C5orf24: variants seen among roughly 807,000 people sequenced by gnomAD.
The protein encoded by C5orf24 is chromosome 5 open reading frame 24.
C5orf24 carries 4 observed loss-of-function variants against 9.8 expected under a neutral mutation model. That is an observed-to-expected ratio of 0.41 (90% CI 0.20 to 0.93). The LOEUF is 0.93. Ranked by LOEUF, C5orf24 falls within the 40% of genes least tolerant of loss-of-function variation. The pLI, the probability that C5orf24 is intolerant of heterozygous loss-of-function variation, is 0.33. For missense variants in C5orf24, 170 were observed against 236.9 expected (o/e 0.72, Z 1.85); for synonymous variants, 73 against 81.3 (o/e 0.90, Z 0.55).
intron 1 of C5orf24, among the ~76,000 whole-genome samples, chr5:134,848,975 AGGCT>A (rs993062123): frequency 7.8e-5 from 11 of 141,762 alleles, no homozygotes; most frequent in African/African-American, 2.6e-4. Context: ...AAAAAAAAAG[AGGCT>A]GGGCGCGGTG....
chr5:134,856,716 C>A lies in C5orf24; in HGVS notation c.*1249C>A. On this transcript the variant is annotated 3_prime_UTR_variant, in exon 2 of 2. Coordinates refer to ENST00000394976, the MANE Select transcript of C5orf24 (RefSeq NM_001135586.1). ...ATTGATGTTGCTCATTTATTTGGAA[C>A]GTTTTTAGTTTTTCTCAGAAATTGT... 6 of 993,996 alleles carry A rather than the reference C, an allele frequency of 6.0e-6. No homozygotes were observed. The highest frequency in any genetic ancestry group is 7.3e-6 in the Non-Finnish European group (6 of 824,622). 61.6% of individuals were successfully genotyped at this position (993,996 alleles called of 1,614,324 possible). A position where few individuals can be genotyped will look rare whatever the true frequency, so the allele number is the denominator to read the frequency against.
upstream of C5orf24, among the ~76,000 whole-genome samples, chr5:134,840,844 C>T (rs565239664): frequency 6.6e-6 from 1 of 152,268 alleles, no homozygotes; most frequent in East Asian, 1.9e-4. Flanking sequence ...CTGGGAGGCT[C>T]ATCTGAGCCT....
At chr5:134,852,417 G>T (rs756261294) in intron 1 of C5orf24, among the ~76,000 whole-genome samples, 1 of 152,286 alleles carries the variant, frequency 6.6e-6, no homozygotes, top group East Asian at 1.9e-4. Flanking sequence ...CTTGCCAATT[G>T]CTCTGTTGAT....
chr5:134,835,880 G>A, the C5orf24 span, among the ~76,000 whole-genome samples: 1 of 151,308 alleles, frequency 6.6e-6, no homozygotes, highest in Non-Finnish European at 1.5e-5. Flanking sequence ...TTTATTTTTT[G>A]TAGCAGTGGG....
chr5:134,844,377 TG>T (rs1241774645), upstream of C5orf24, among the ~76,000 whole-genome samples: 2 of 152,084 alleles, frequency 1.3e-5, no homozygotes, highest in African/African-American at 4.8e-5. Context: ...CTCACTCTGT[TG>T]CCCAGGCTGG....
chr5:134,837,818 A>G, the C5orf24 span, among the ~76,000 whole-genome samples: 1 of 152,242 alleles, frequency 6.6e-6, no homozygotes, highest in Non-Finnish European at 1.5e-5. Flanking sequence ...TATAGCAGCC[A>G]AAACAGACCA....
chr5:134,854,236 G>A (rs191916029), intron 1 of C5orf24, among the ~76,000 whole-genome samples: 9 of 152,322 alleles, frequency 5.9e-5, no homozygotes, highest in Admixed American at 5.9e-4. Flanking sequence ...AATGGAGGAT[G>A]TTTGAAGGGA....
In C5orf24 at chr5:134,856,148, T is replaced by C; in HGVS notation, c.*681T>C. The C allele has an allele frequency of 1.0e-6, 1 of 998,628 alleles. No individual in the cohort carries two copies. The highest frequency in any genetic ancestry group is 1.7e-5 in the African/African-American group (1 of 57,310). 61.9% of individuals were successfully genotyped at this position (998,628 alleles called of 1,614,324 possible). ...TGTATTTTTTAATTGCCTAAGAGCA[T>C]ATATACCAAACACTACAAACAATTC... On this transcript the variant is annotated 3_prime_UTR_variant, in exon 2 of 2. Transcript: ENST00000394976.
chr5:134,837,997 A>G, the C5orf24 span, among the ~76,000 whole-genome samples: 1 of 152,192 alleles, frequency 6.6e-6, no homozygotes, highest in African/African-American at 2.4e-5. Context: ...CTGTAATCCT[A>G]GCACTTTGCG....
rs1325023387 is a variant in C5orf24, at chr5:134,859,416, T to C, written c.*3949T>C. The C allele has an allele frequency of 6.0e-6, 1 of 167,052 alleles. No homozygotes were observed. The highest frequency in any genetic ancestry group is 1.9e-4 in the East Asian group (1 of 5,210). The allele number at this position is 167,052 out of a possible 1,614,324, so 10.3% of individuals were successfully genotyped here. On this transcript the variant is annotated 3_prime_UTR_variant, in exon 2 of 2. Coordinates refer to ENST00000394976, the MANE Select transcript of C5orf24 (RefSeq NM_001135586.1). ...AATCTGTGCTCTCACATGTAATGTA[T>C]TTAATTTTTGGAAAATTTAATGCTA...
chr5:134,841,625 CAT>C (rs1335080209), upstream of C5orf24, among the ~76,000 whole-genome samples: 3 of 152,144 alleles, frequency 2.0e-5, no homozygotes, highest in Admixed American at 6.5e-5. Flanking sequence ...AAATTATCCT[CAT>C]GTGTTGTAAG....
At chr5:134,846,893 G>A (rs1412897776) in intron 1 of C5orf24, 1 of 152,150 alleles carries the variant, frequency 6.6e-6, no homozygotes, top group East Asian at 1.9e-4. Flanking sequence ...TTAGAATTAT[G>A]AAACGTATAT....
At chr5:134,843,019 C>T (rs1164908776), upstream of C5orf24, among the ~76,000 whole-genome samples, 1 of 151,748 alleles carries the variant, frequency 6.6e-6, no homozygotes, top group Non-Finnish European at 1.5e-5. Context: ...TCACTGTTGC[C>T]CAGACTGGAG....
rs898432462 is a variant in C5orf24, at chr5:134,856,733, A to G, written c.*1266A>G. The G allele has an allele frequency of 2.5e-5, 25 of 999,508 alleles. No homozygotes were observed. The highest frequency in any genetic ancestry group is 3.0e-5 in the Non-Finnish European group (25 of 829,442). The allele number at this position is 999,508 out of a possible 1,614,324, so 61.9% of individuals were successfully genotyped here. A position where few individuals can be genotyped will look rare whatever the true frequency, so the allele number is the denominator to read the frequency against. On this transcript the variant is annotated 3_prime_UTR_variant, in exon 2 of 2. Coordinates refer to ENST00000394976, the MANE Select transcript of C5orf24 (RefSeq NM_001135586.1). The stretch of plus-strand genomic sequence containing the variant: ...ATTTGGAACGTTTTTAGTTTTTCTC[A>G]GAAATTGTCCCATTGCATTAGCACT...
chr5:134,854,431 T>C (rs958910017), intron 1 of C5orf24, among the ~76,000 whole-genome samples: 4 of 152,246 alleles, frequency 2.6e-5, no homozygotes, highest in African/African-American at 9.6e-5. Context: ...TGGAAACTGT[T>C]GTCAGGCCAG....
upstream of C5orf24, among the ~76,000 whole-genome samples, chr5:134,843,417 A>T (rs1009400791): frequency 1.3e-5 from 2 of 152,204 alleles, no homozygotes; most frequent in Admixed American, 1.3e-4. Context: ...ACATCTAAGT[A>T]GTGGTGAATA....
chr5:134,854,908 A>G lies in C5orf24; in HGVS notation c.8A>G (p.His3Arg), dbSNP rs182827108. MM[H>R]PVASSNPAFC... ...TTTTATTTTTGGTAGAAAATGATGC[A>G]TCCTGTTGCCAGCAGTAATCCAGCT... The change falls in exon 2 of 2, where the codon CAT becomes CGT. Residue 3 changes from histidine (H) to arginine (R), a missense_variant. This residue lies in a region of C5orf24 where 93 missense variants were observed against 104.5 expected (regional missense o/e 0.89). Transcript: ENST00000394976. 6.2e-7 allele frequency: 1 copy of G among 1,614,064 alleles called. No individual in the cohort carries two copies. Among genetic ancestry groups the G allele is most frequent in the African/African-American group, 1.3e-5 (1 of 75,046 alleles).
upstream of C5orf24, among the ~76,000 whole-genome samples, chr5:134,842,908 A>C (rs1755920638): frequency 1.3e-5 from 2 of 152,140 alleles, no homozygotes; most frequent in African/African-American, 4.8e-5. Context: ...TTTCAAATCC[A>C]AACTCGAAAC....
chr5:134,854,782 A>G, intron 1 of C5orf24, 116 bp from the exon 2 acceptor site: 1 of 1,132,008 alleles, frequency 8.8e-7, no homozygotes, highest in Non-Finnish European at 1.2e-6. Flanking sequence ...CTGTTAGCCT[A>G]ATTTTATGTA....
Sources: allele counts gnomAD v4.1 joint callset (sites outside exome capture counted in the v4.1 genomes callset), GRCh38; gene constraint gnomAD v4.1.1; regional missense constraint gnomAD v4.1.1; transcripts MANE v1.5; gene names NCBI Gene and HGNC (gene_info 2026-07-23, HGNC 2026-07-21).